ST6GALNAC3: variants seen among roughly 807,000 people sequenced by gnomAD.
The protein encoded by ST6GALNAC3 is alpha-N-acetylgalactosaminide alpha-2,6-sialyltransferase 3.
Under a neutral mutation model 32.7 loss-of-function variants are expected in ST6GALNAC3, and 25 were observed. That is an observed-to-expected ratio of 0.76 (90% CI 0.56 to 1.07). ST6GALNAC3 has a LOEUF of 1.07. Among genes scored for constraint, ST6GALNAC3 ranks in the 50% least tolerant of loss-of-function variants. ST6GALNAC3 has a pLI of 0.00. For synonymous variants in ST6GALNAC3, 129 were observed against 133.1 expected (o/e 0.97, Z 0.21); for missense variants, 355 against 382.4 (o/e 0.93, Z 0.60).
chr1:76,532,829 C>T (rs923958443), intron 3 of ST6GALNAC3, among the ~76,000 whole-genome samples: 3 of 151,646 alleles, frequency 2.0e-5, no homozygotes, highest in African/African-American at 4.8e-5. Flanking sequence ...AAACTGGAGA[C>T]AAAAGCTCTA....
intron 3 of ST6GALNAC3, among the ~76,000 whole-genome samples, chr1:76,494,142 T>G (rs1215524713): frequency 6.6e-6 from 1 of 152,018 alleles, no homozygotes; most frequent in Non-Finnish European, 1.5e-5. Flanking sequence ...GCCTTTTTCC[T>G]GATACATTTA....
chr1:76,341,605 TTTTCTTTCTTTCTTTCTTTCTTTC>T lies in ST6GALNAC3; in HGVS notation c.213+27659_213+27682del, dbSNP rs61587390. 1.8e-4 allele frequency among the ~76,000 whole-genome samples: 16 copies of T among 91,264 alleles called. No individual in the cohort carries two copies. The East Asian group carries it at 2.1e-3, about 12-fold the overall frequency. The allele number at this position is 91,264 out of a possible 152,430, so 59.9% of individuals were successfully genotyped here. A position where few individuals can be genotyped will look rare whatever the true frequency, so the allele number is the denominator to read the frequency against. ...GTTCTTTCAGAAATCTCCAAACTGCTTTTCTTTCTTTCTTTCTTTCTTTCTTTCTTTCTTTCTTTCTTTCTTTCT... is the reference window on the plus strand; with the variant it reads ...GTTCTTTCAGAAATCTCCAAACTGCTTTTCTTTCTTTCTTTCTTTCTTTCT... On this transcript the variant is annotated intron_variant, in intron 2 of 4. Transcript: ENST00000328299.
Position 76,477,993 on chromosome 1 carries a change from C to T in ST6GALNAC3, c.623+65576C>T, listed in dbSNP as rs376212951. On this transcript the variant is annotated intron_variant, in intron 3 of 4. Coordinates refer to ENST00000328299, the MANE Select transcript of ST6GALNAC3 (RefSeq NM_152996.4). The stretch of plus-strand genomic sequence containing the variant: ...AAAAATGTCTTTAAACCAGTCTAAT[C>T]CATGTCAAGGTCCTCTTTGGAAGGG... 1.8e-4 allele frequency among the ~76,000 whole-genome samples: 27 copies of T among 152,278 alleles called. 1 individual carries two copies. Among genetic ancestry groups the T allele is most frequent in the East Asian group, 1.7e-3 (9 of 5,180 alleles).
intron 1 of ST6GALNAC3, among the ~76,000 whole-genome samples, chr1:76,077,033 A>G (rs145224594): frequency 2.0e-5 from 3 of 152,238 alleles, no homozygotes; most frequent in African/African-American, 4.8e-5. Flanking sequence ...CATGGTCTAG[A>G]CAGTCTGGGC....
intron 2 of ST6GALNAC3, among the ~76,000 whole-genome samples, chr1:76,405,668 G>A (rs1264761047): frequency 6.6e-6 from 1 of 151,692 alleles, no homozygotes; most frequent in Non-Finnish European, 1.5e-5. Flanking sequence ...TTCTTTTACT[G>A]TATGTGTACC....
At chr1:76,153,159 C>T (rs997297548) in intron 1 of ST6GALNAC3, among the ~76,000 whole-genome samples, 1 of 152,030 alleles carries the variant, frequency 6.6e-6, no homozygotes, top group Non-Finnish European at 1.5e-5. Context: ...TTCATTTTGC[C>T]CTTCTGATAG....
intron 1 of ST6GALNAC3, among the ~76,000 whole-genome samples, chr1:76,276,031 C>T (rs1308368541): frequency 6.6e-6 from 1 of 152,028 alleles, no homozygotes; most frequent in Non-Finnish European, 1.5e-5. Context: ...TATTTGCAAC[C>T]CACATCTTCC....
chr1:76,408,024 C>T (rs1484283653), intron 2 of ST6GALNAC3, among the ~76,000 whole-genome samples: 1 of 151,906 alleles, frequency 6.6e-6, no homozygotes, highest in Non-Finnish European at 1.5e-5. Context: ...GTCAAATTGT[C>T]CATTTGTGCC....
chr1:76,515,948 A>T (rs993172226), intron 3 of ST6GALNAC3, among the ~76,000 whole-genome samples: 41 of 152,074 alleles, frequency 2.7e-4, no homozygotes, highest in African/African-American at 9.2e-4. Flanking sequence ...GTTTAATATG[A>T]TGTTTCTTTG....
intron 1 of ST6GALNAC3, among the ~76,000 whole-genome samples, chr1:76,170,003 G>C (rs990993878): frequency 6.6e-6 from 1 of 151,984 alleles, no homozygotes; most frequent in Non-Finnish European, 1.5e-5. Flanking sequence ...TGAGGTTGCT[G>C]ACCTTCAGAT....
rs533249550 is a variant in ST6GALNAC3, at chr1:76,545,807, C to T, written c.624-81645C>T. Among the ~76,000 whole-genome samples the T allele has an allele frequency of 3.4e-4, 52 of 152,098 alleles. 1 individual carries two copies. Among genetic ancestry groups the T allele is most frequent in the South Asian group, 2.1e-3 (10 of 4,814 alleles). ...GAGTAGCTGGGATTACAGGCATGCC[C>T]CCCCACATCCAGCTAATTTTTTTGT... On this transcript the variant is annotated intron_variant, in intron 3 of 4. Coordinates refer to ENST00000328299, the MANE Select transcript of ST6GALNAC3 (RefSeq NM_152996.4).
At chr1:76,473,190 A>G (rs913148933) in intron 3 of ST6GALNAC3, among the ~76,000 whole-genome samples, 13 of 152,132 alleles carry the variant, frequency 8.5e-5, no homozygotes, top group Non-Finnish European at 1.8e-4. Context: ...ATGGGAGACA[A>G]GAGGTTTCAG....
At chr1:76,200,088 T>A (rs1654434236) in intron 1 of ST6GALNAC3, among the ~76,000 whole-genome samples, 1 of 152,224 alleles carries the variant, frequency 6.6e-6, no homozygotes, top group Non-Finnish European at 1.5e-5. Context: ...TGCCCAACTA[T>A]GCACATGGTA....
intron 3 of ST6GALNAC3, among the ~76,000 whole-genome samples, chr1:76,412,626 A>G (rs994592774): frequency 6.6e-6 from 1 of 152,078 alleles, no homozygotes; most frequent in Admixed American, 6.6e-5. Context: ...GATTGGTTTG[A>G]GTCTCCAAGA....
intron 1 of ST6GALNAC3, among the ~76,000 whole-genome samples, chr1:76,103,976 G>A (rs1647353410): frequency 6.6e-6 from 1 of 152,128 alleles, no homozygotes; most frequent in Non-Finnish European, 1.5e-5. Flanking sequence ...AGATTAAAAT[G>A]TGGACATATC....
At chr1:76,196,709 G>A (rs1296642126) in intron 1 of ST6GALNAC3, among the ~76,000 whole-genome samples, 9 of 151,964 alleles carry the variant, frequency 5.9e-5, no homozygotes, top group South Asian at 2.1e-4. Context: ...TAGGTGATCC[G>A]CCCACCTCGG....
chr1:76,141,043 G>A (rs944173952), intron 1 of ST6GALNAC3, among the ~76,000 whole-genome samples: 4 of 151,972 alleles, frequency 2.6e-5, no homozygotes, highest in African/African-American at 7.3e-5. Flanking sequence ...CGGAATGGAC[G>A]GAGGGCATTT....
At chr1:76,532,798 A>G (rs530247142) in intron 3 of ST6GALNAC3, among the ~76,000 whole-genome samples, 60 of 152,186 alleles carry the variant, frequency 3.9e-4, no homozygotes, top group Non-Finnish European at 6.8e-4. Flanking sequence ...CTGTTGTATG[A>G]TTTTCAGAGC....
At chr1:76,107,297 CTT>C (rs5775324) in intron 1 of ST6GALNAC3, among the ~76,000 whole-genome samples, 36,139 of 137,466 alleles carry the variant, frequency 0.26, 4,920 homozygotes, top group African/African-American at 0.41. Context: ...CACACTTTTG[CTT>C]TTTTTTTTTT....
Sources: gnomAD v4.1 joint callset for allele counts (sites outside exome capture counted in the v4.1 genomes callset) on GRCh38, gnomAD v4.1.1 for gene constraint, MANE v1.5 for transcripts, NCBI Gene and HGNC (gene_info 2026-07-23, HGNC 2026-07-21) for gene names.